Variants in OR9Q1 observed in about 807,000 individuals in gnomAD.
OR9Q1 encodes the protein olfactory receptor 9Q1.
For synonymous variants in OR9Q1, 153 were observed against 148.6 expected (o/e 1.03, Z -0.22); for missense variants, 374 against 378.8 (o/e 0.99, Z 0.11).
intron 2 of OR9Q1, among the ~76,000 whole-genome samples, chr11:58,149,775 G>A (rs1047091617): frequency 6.6e-6 from 1 of 152,170 alleles, no homozygotes; most frequent in African/African-American, 2.4e-5. Context: ...CATGCATTTT[G>A]TAGCACATAT....
At chr11:58,070,709 T>C (rs1050118475) in intron 2 of OR9Q1, among the ~76,000 whole-genome samples, 3 of 152,202 alleles carry the variant, frequency 2.0e-5, no homozygotes, top group Non-Finnish European at 4.4e-5. Flanking sequence ...GTACAGGCAC[T>C]GAGCCATGGC....
At position 58,181,445 on chromosome 11, in the gene OR9Q1, A is replaced by T. The variant is rs1274985480; in HGVS notation, c.*1068A>T. On this transcript the variant is annotated 3_prime_UTR_variant, in exon 3 of 3. Coordinates refer to ENST00000335397, the MANE Select transcript of OR9Q1 (RefSeq NM_001005212.4). ...ATCTTTACTTCTCTAATCACAGGGG[A>T]CTTGTCTCAATCAAACCCAAGGCAC... The T allele has an allele frequency of 6.0e-6, 1 of 166,808 alleles. No individual in the cohort carries two copies. The highest frequency in any genetic ancestry group is 2.4e-5 in the African/African-American group (1 of 41,332). The allele number at this position is 166,808 out of a possible 1,614,324, so 10.3% of individuals were successfully genotyped here.
chr11:58,126,088 C>CATTCATGTCTAT (rs1466592619), intron 2 of OR9Q1, among the ~76,000 whole-genome samples: 2 of 152,164 alleles, frequency 1.3e-5, no homozygotes, highest in East Asian at 3.9e-4. Flanking sequence ...AAACATACTT[C>CATTCATGTCTAT]ATTCATGTCT....
chr11:58,113,619 C>T (rs1853923265), intron 2 of OR9Q1, among the ~76,000 whole-genome samples: 1 of 152,180 alleles, frequency 6.6e-6, no homozygotes, highest in South Asian at 2.1e-4. Context: ...GCAGTTCATG[C>T]TTTGAGCAGT....
At chr11:58,107,049 G>A (rs1444983161) in intron 2 of OR9Q1, among the ~76,000 whole-genome samples, 1 of 152,072 alleles carries the variant, frequency 6.6e-6, no homozygotes, top group East Asian at 1.9e-4. Context: ...TTTGTAGATT[G>A]CTTTGGATAA....
chr11:58,078,577 A>G (rs1853561269), intron 2 of OR9Q1: 1 of 152,210 alleles, frequency 6.6e-6, no homozygotes, highest in Admixed American at 6.5e-5. Context: ...TCATAAACCC[A>G]TTCATAGAGA....
At chr11:58,104,078 G>A (rs73478514) in intron 2 of OR9Q1, among the ~76,000 whole-genome samples, 3,751 of 152,136 alleles carry the variant, frequency 0.025, 156 homozygotes, top group African/African-American at 0.083. Context: ...ACATGCATTG[G>A]CATCTAAGCC....
intron 2 of OR9Q1, among the ~76,000 whole-genome samples, chr11:58,139,649 T>C (rs1293376044): frequency 3.3e-5 from 5 of 152,146 alleles, no homozygotes; most frequent in African/African-American, 1.2e-4. Flanking sequence ...TTCCATGGTG[T>C]ATATGTGCCA....
chr11:58,154,466 T>C (rs1391811865), intron 2 of OR9Q1, among the ~76,000 whole-genome samples: 1 of 152,042 alleles, frequency 6.6e-6, no homozygotes, highest in Non-Finnish European at 1.5e-5. Context: ...AACATTATTT[T>C]GTTGCATCTT....
chr11:58,178,377 G>C (rs1031652466), intron 2 of OR9Q1, among the ~76,000 whole-genome samples: 6 of 152,172 alleles, frequency 3.9e-5, no homozygotes, highest in African/African-American at 7.2e-5. Flanking sequence ...TCCTTTCCAT[G>C]ATGGGCACCG....
At chr11:58,100,843 A>G (rs897144376) in intron 2 of OR9Q1, among the ~76,000 whole-genome samples, 13 of 152,276 alleles carry the variant, frequency 8.5e-5, no homozygotes, top group African/African-American at 3.1e-4. Flanking sequence ...CATATAAAAG[A>G]ATGAAATTTT....
At chr11:58,156,270 A>G (rs1041018446) in intron 2 of OR9Q1, among the ~76,000 whole-genome samples, 2 of 152,162 alleles carry the variant, frequency 1.3e-5, no homozygotes, top group Non-Finnish European at 2.9e-5. Context: ...TAAAGCCTAG[A>G]AATTCAACAA....
chr11:58,059,712 AAAAAGG>A (rs1308914010), intron 2 of OR9Q1, among the ~76,000 whole-genome samples: 2 of 149,538 alleles, frequency 1.3e-5, no homozygotes, highest in Non-Finnish European at 3.0e-5. Context: ...AAAAAAAAAA[AAAAAGG>A]AAAGGGAGAA....
Position 58,102,813 on chromosome 11 carries a change from A to G in OR9Q1, c.-15+46866A>G, listed in dbSNP as rs1853797560. On this transcript the variant is annotated intron_variant, in intron 2 of 2. Coordinates refer to ENST00000335397, the MANE Select transcript of OR9Q1 (RefSeq NM_001005212.4). ...TCTGGATGTTCATATCTCTCTCAAG[A>G]CTTTGGAAATTTTCAGCTATTATTT... Among the ~76,000 whole-genome samples the G allele has an allele frequency of 2.0e-5, 3 of 152,008 alleles. No individual in the cohort carries two copies. In the South Asian group the frequency reaches 6.2e-4, roughly 32 times the overall value.
intron 2 of OR9Q1, chr11:58,075,565 A>G (rs905057890): frequency 2.0e-5 from 3 of 152,214 alleles, no homozygotes; most frequent in Non-Finnish European, 4.4e-5. Flanking sequence ...CCTTTCTGAA[A>G]GAGGCTTCAG....
intron 2 of OR9Q1, among the ~76,000 whole-genome samples, chr11:58,156,032 C>T (rs1432455744): frequency 6.6e-6 from 1 of 151,774 alleles, no homozygotes; most frequent in Non-Finnish European, 1.5e-5. Flanking sequence ...CCTGCCTCAG[C>T]CTCCCGAGTA....
intron 2 of OR9Q1, among the ~76,000 whole-genome samples, chr11:58,177,070 G>T (rs1385330325): frequency 6.6e-6 from 1 of 152,072 alleles, no homozygotes; most frequent in Non-Finnish European, 1.5e-5. Flanking sequence ...TTCCCAATAG[G>T]TCAGTCTGAC....
chr11:58,152,142 G>A (rs1749556285), intron 2 of OR9Q1, among the ~76,000 whole-genome samples: 1 of 152,162 alleles, frequency 6.6e-6, no homozygotes, highest in Admixed American at 6.5e-5. Flanking sequence ...GGATTGGTAT[G>A]AGGACCCGGG....
chr11:58,120,161 G>T (rs1854014159), intron 2 of OR9Q1, among the ~76,000 whole-genome samples: 2 of 151,968 alleles, frequency 1.3e-5, no homozygotes, highest in African/African-American at 4.8e-5. Context: ...TCAACATATT[G>T]CATTTTATAT....
Sources: allele counts gnomAD v4.1 joint callset (sites outside exome capture counted in the v4.1 genomes callset), GRCh38; gene constraint gnomAD v4.1.1; transcripts MANE v1.5; gene names NCBI Gene and HGNC (gene_info 2026-07-23, HGNC 2026-07-21).